Variants in FBXL17 observed in about 807,000 individuals in gnomAD.
FBXL17 encodes the protein F-box/LRR-repeat protein 17.
FBXL17 carries 22 observed loss-of-function variants against 66.2 expected under a neutral mutation model. The observed-to-expected ratio is 0.33, with a 90% CI of 0.24 to 0.47. FBXL17 has a LOEUF of 0.47. Among genes scored for constraint, FBXL17 ranks in the 20% least tolerant of loss-of-function variants. FBXL17 has a pLI of 1.00. For missense variants in FBXL17, 878 were observed against 948.2 expected, an observed-to-expected ratio of 0.93 and a Z score of 0.97; for synonymous variants, 474 against 400.5, an observed-to-expected ratio of 1.18 and a Z score of -2.19.
At chr5:108,325,206 C>G (rs558815968) in intron 4 of FBXL17, among the ~76,000 whole-genome samples, 2 of 151,718 alleles carry the variant, frequency 1.3e-5, no homozygotes, top group Non-Finnish European at 2.9e-5. Context: ...TATATTTTAC[C>G]ACAATTATTT....
chr5:108,216,488 T>C (rs1311611192), intron 5 of FBXL17, among the ~76,000 whole-genome samples: 4 of 152,210 alleles, frequency 2.6e-5, no homozygotes, highest in Admixed American at 1.3e-4. Context: ...ATTGCCAGCA[T>C]ATAAAATTAT....
rs376111500 is a variant in FBXL17 at position 107,870,133 on chromosome 5, CA to C, written c.1966-8274del. Among the ~76,000 whole-genome samples the C allele has an allele frequency of 5.4e-3, 827 of 152,158 alleles. 11 individuals are homozygous for C. Among genetic ancestry groups the C allele is most frequent in the African/African-American group, 0.019 (795 of 41,504 alleles). ...TATTTGTAAAGCTACCAGGAGAGTC[CA>C]AAACATAGATCAGGTGAGAACTACT... On this transcript the variant is annotated intron_variant, in intron 8 of 8. Coordinates refer to ENST00000542267, the MANE Select transcript of FBXL17 (RefSeq NM_001163315.3).
intron 4 of FBXL17, among the ~76,000 whole-genome samples, chr5:108,334,344 C>G (rs909669316): frequency 3.9e-5 from 6 of 152,126 alleles, no homozygotes; most frequent in Non-Finnish European, 5.9e-5. Flanking sequence ...TTTCCACAGC[C>G]CTTTACCTTG....
chr5:108,347,778 A>G (rs1747376212), intron 4 of FBXL17, among the ~76,000 whole-genome samples: 1 of 152,172 alleles, frequency 6.6e-6, no homozygotes, highest in South Asian at 2.1e-4. Flanking sequence ...AACATGGTAA[A>G]TATACTAAAA....
intron 6 of FBXL17, among the ~76,000 whole-genome samples, chr5:108,081,431 G>A: frequency 6.6e-6 from 1 of 152,088 alleles, no homozygotes; most frequent in East Asian, 1.9e-4. Flanking sequence ...TCTAAGATAA[G>A]AGCCAGTAGG....
At chr5:108,218,016 C>CTTTTTTTTTTT (rs752575685) in intron 5 of FBXL17, among the ~76,000 whole-genome samples, 1 of 120,132 alleles carries the variant, frequency 8.3e-6, no homozygotes, top group African/African-American at 3.4e-5. Flanking sequence ...AATTTTTTTT[C>CTTTTTTTTTTT]TTTTTTTTTT....
At chr5:108,112,302 G>A (rs1017632566) in intron 6 of FBXL17, among the ~76,000 whole-genome samples, 18 of 152,168 alleles carry the variant, frequency 1.2e-4, no homozygotes, top group Non-Finnish European at 2.9e-5. Context: ...TGGAGCTTAG[G>A]CCTGGGAGTA....
intron 5 of FBXL17, among the ~76,000 whole-genome samples, chr5:108,189,410 T>G (rs895577771): frequency 2.0e-4 from 30 of 152,198 alleles, no homozygotes; most frequent in Admixed American, 5.2e-4. Context: ...AGTGTTTTTT[T>G]GTTGTTATTT....
At chr5:108,299,253 A>T in intron 4 of FBXL17, 1 of 985,212 alleles carries the variant, frequency 1.0e-6, no homozygotes, top group Non-Finnish European at 1.2e-6. Flanking sequence ...ACCTAGTTTA[A>T]AGCGTTAGGG....
intron 6 of FBXL17, among the ~76,000 whole-genome samples, chr5:108,142,260 T>A (rs1045967941): frequency 2.6e-5 from 4 of 152,238 alleles, no homozygotes; most frequent in Admixed American, 6.5e-5. Context: ...CAAATTATAA[T>A]TATTTTGAAT....
chr5:108,196,429 CTCTT>C (rs1039800842), intron 5 of FBXL17, among the ~76,000 whole-genome samples: 1 of 152,162 alleles, frequency 6.6e-6, no homozygotes, highest in African/African-American at 2.4e-5. Flanking sequence ...ATGTTGCTCA[CTCTT>C]TCACCATGTT....
chr5:108,100,726 A>G (rs956031421), intron 6 of FBXL17, among the ~76,000 whole-genome samples: 1 of 152,218 alleles, frequency 6.6e-6, no homozygotes, highest in Non-Finnish European at 1.5e-5. Flanking sequence ...GACTCTGACT[A>G]TAAAATTTTT....
intron 6 of FBXL17, among the ~76,000 whole-genome samples, chr5:108,021,307 T>C (rs11750805): frequency 6.0e-5 from 9 of 149,300 alleles, no homozygotes; most frequent in Admixed American, 1.3e-4. Flanking sequence ...ATATATATTA[T>C]TTATATAATA....
intron 1 of FBXL17, among the ~76,000 whole-genome samples, chr5:108,379,642 A>C (rs573942975): frequency 1.3e-5 from 2 of 152,338 alleles, no homozygotes; most frequent in East Asian, 3.9e-4. Flanking sequence ...ATTCTTATCA[A>C]GGTTATTTAT....
chr5:108,321,609 C>T (rs1039874433), intron 4 of FBXL17, among the ~76,000 whole-genome samples: 2 of 151,744 alleles, frequency 1.3e-5, no homozygotes, highest in Non-Finnish European at 2.9e-5. Context: ...GCTCTATTAC[C>T]TGTGGATATT....
rs141586883 is a variant in FBXL17, at chr5:108,208,709, T to C, written c.1614+15412A>G. The stretch of plus-strand genomic sequence containing the variant: ...ACCAGTACCATGCTGTTTTGGTTAC[T>C]GTACCCTTATAGTATAGTTTGCAGT... On this transcript the variant is annotated intron_variant, in intron 5 of 8. Transcript: ENST00000542267. Among the ~76,000 whole-genome samples, 539 of 152,340 alleles carry C rather than the reference T, an allele frequency of 3.5e-3. 3 individuals carry two copies. Among genetic ancestry groups the C allele is most frequent in the African/African-American group, 0.012 (514 of 41,576 alleles).
At chr5:108,065,589 A>C (rs1012547539) in intron 6 of FBXL17, among the ~76,000 whole-genome samples, 1 of 152,188 alleles carries the variant, frequency 6.6e-6, no homozygotes, top group Non-Finnish European at 1.5e-5. Context: ...TTGCCTTCTT[A>C]TTCTCAAGGC....
chr5:108,334,164 T>C (rs1019581285), intron 4 of FBXL17, among the ~76,000 whole-genome samples: 6 of 152,130 alleles, frequency 3.9e-5, no homozygotes, highest in African/African-American at 1.2e-4. Context: ...AAAAAATAAA[T>C]AAACACCTAA....
intron 6 of FBXL17, among the ~76,000 whole-genome samples, chr5:108,039,624 AAT>A (rs1746972226): frequency 6.6e-6 from 1 of 152,154 alleles, no homozygotes; most frequent in Non-Finnish European, 1.5e-5. Flanking sequence ...CCAGAATTTA[AAT>A]ATCACTTGTT....
Sources: allele counts gnomAD v4.1 joint callset (sites outside exome capture counted in the v4.1 genomes callset), GRCh38; gene constraint gnomAD v4.1.1; transcripts MANE v1.5; gene names NCBI Gene and HGNC (gene_info 2026-07-23, HGNC 2026-07-21).